Variants in THNSL1 observed in about 807,000 individuals in gnomAD.
The protein encoded by THNSL1 is threonine synthase-like 1.
THNSL1 carries 48 observed loss-of-function variants against 50.4 expected under a neutral mutation model. The observed-to-expected ratio is 0.95, with a 90% CI of 0.76 to 1.21. The LOEUF (loss-of-function observed/expected upper bound fraction) is 1.21, where lower values mean the gene tolerates loss of function less well. Among genes scored for constraint, THNSL1 ranks in the 50% most tolerant of loss-of-function variants. The pLI, the probability that THNSL1 is intolerant of heterozygous loss-of-function variation, is 0.00. For missense variants in THNSL1, 896 were observed against 871.7 expected (o/e 1.03, Z -0.35); for synonymous variants, 309 against 306.1 (o/e 1.01, Z -0.10).
At chr10:24,980,819 C>G in the THNSL1 span, among the ~76,000 whole-genome samples, 1 of 152,278 alleles carries the variant, frequency 6.6e-6, no homozygotes, top group South Asian at 2.1e-4. Context: ...CAAGTTCAAG[C>G]AATTCTCCTG....
At position 25,023,968 on chromosome 10, in the gene THNSL1, A is replaced by T; in HGVS notation, c.745A>T (p.Lys249Ter). 1 of 1,614,190 alleles carries T rather than the reference A, an allele frequency of 6.2e-7. No homozygotes were observed. The highest frequency in any genetic ancestry group is 8.5e-7 in the Non-Finnish European group (1 of 1,180,002). Residue 249 changes from lysine to a stop codon, truncating the protein, a stop_gained, in exon 3 of 3, where the codon AAA (lysine) becomes TAA (stop). Transcript: ENST00000376356. LOFTEE classifies it high-confidence loss of function. ...PEDCEQKVSA[K>*]FFSEAVIEGL... ...AGACTGTGAACAGAAGGTTTCAGCAAAATTCTTTAGTGAAGCTGTAATTGA... is the reference window on the plus strand; with the variant it reads ...AGACTGTGAACAGAAGGTTTCAGCATAATTCTTTAGTGAAGCTGTAATTGA...
the THNSL1 span, among the ~76,000 whole-genome samples, chr10:24,979,163 T>C: frequency 1.3e-5 from 2 of 152,238 alleles, no homozygotes; most frequent in Non-Finnish European, 2.9e-5. Flanking sequence ...TTCACCAGCA[T>C]TGGCTTCCTT....
At chr10:25,018,526 AGTT>A (rs1850655090) in intron 1 of THNSL1, among the ~76,000 whole-genome samples, 1 of 152,226 alleles carries the variant, frequency 6.6e-6, no homozygotes, top group South Asian at 2.1e-4. Flanking sequence ...GAATGACTGA[AGTT>A]GTGCTTCAAA....
At chr10:25,013,877 A>G (rs112325937), upstream of THNSL1, among the ~76,000 whole-genome samples, 5,519 of 152,138 alleles carry the variant, frequency 0.036, 241 homozygotes, top group African/African-American at 0.1. Flanking sequence ...AGGAGGCAGA[A>G]GCTGCAGTGA....
chr10:25,011,415 A>G, the THNSL1 span, among the ~76,000 whole-genome samples: 1 of 152,092 alleles, frequency 6.6e-6, no homozygotes, highest in Non-Finnish European at 1.5e-5. Flanking sequence ...CTCTGATGGT[A>G]GTTTCTTTTG....
the THNSL1 span, among the ~76,000 whole-genome samples, chr10:24,987,580 C>CT: frequency 6.6e-6 from 1 of 152,330 alleles, no homozygotes; most frequent in African/African-American, 2.4e-5. Context: ...CAGAGCAAGA[C>CT]TGTCTCAAAT....
chr10:24,961,298 A>T, the THNSL1 span, among the ~76,000 whole-genome samples: 12 of 152,208 alleles, frequency 7.9e-5, no homozygotes, highest in African/African-American at 2.9e-4. Flanking sequence ...CCTTATAAAC[A>T]TCATTTGAAA....
the THNSL1 span, among the ~76,000 whole-genome samples, chr10:25,009,209 A>G: frequency 6.6e-6 from 1 of 152,206 alleles, no homozygotes; most frequent in Non-Finnish European, 1.5e-5. Flanking sequence ...TACATATGTA[A>G]CAAACCTGCA....
chr10:24,970,719 T>TAA, the THNSL1 span, among the ~76,000 whole-genome samples: 5 of 123,052 alleles, frequency 4.1e-5, no homozygotes, highest in African/African-American at 1.1e-4. Context: ...TCTCTATTAA[T>TAA]AAAAAAAAAA....
the THNSL1 span, among the ~76,000 whole-genome samples, chr10:24,986,351 C>T: frequency 6.6e-6 from 1 of 152,006 alleles, no homozygotes; most frequent in African/African-American, 2.4e-5. Flanking sequence ...AATTATGAGG[C>T]CTTCTTGAGT....
chr10:24,964,591 T>G, the THNSL1 span, among the ~76,000 whole-genome samples: 3 of 152,260 alleles, frequency 2.0e-5, no homozygotes, highest in African/African-American at 7.2e-5. Context: ...ATTTGCAGTT[T>G]ATAATATTAA....
chr10:24,977,465 T>C, the THNSL1 span, among the ~76,000 whole-genome samples: 358 of 152,268 alleles, frequency 2.4e-3, no homozygotes, highest in Non-Finnish European at 4.0e-3. Context: ...CCTAATACAA[T>C]CAACAAGTGC....
At chr10:24,987,051 T>C in the THNSL1 span, among the ~76,000 whole-genome samples, 290 of 152,310 alleles carry the variant, frequency 1.9e-3, no homozygotes, top group African/African-American at 6.7e-3. Flanking sequence ...CTCCCAGCTC[T>C]TTCGCCCTCT....
the THNSL1 span, among the ~76,000 whole-genome samples, chr10:24,996,481 A>G: frequency 1.3e-5 from 2 of 150,930 alleles, no homozygotes; most frequent in Admixed American, 1.3e-4. Context: ...TGAACAGTAT[A>G]TAAATACAAG....
the THNSL1 span, among the ~76,000 whole-genome samples, chr10:24,978,434 CCT>C: frequency 2.2e-4 from 32 of 147,580 alleles, no homozygotes; most frequent in Non-Finnish European, 3.6e-4. Flanking sequence ...TCTCTCCTGT[CCT>C]CTCTCTCTCT....
chr10:24,993,841 G>T, the THNSL1 span, among the ~76,000 whole-genome samples: 1 of 152,208 alleles, frequency 6.6e-6, no homozygotes, highest in Non-Finnish European at 1.5e-5. Context: ...AGAGCAGCCA[G>T]AAGGGAGGGG....
the THNSL1 span, among the ~76,000 whole-genome samples, chr10:25,009,357 T>C: frequency 3.3e-5 from 5 of 152,162 alleles, no homozygotes; most frequent in African/African-American, 1.2e-4. Context: ...AGAGAAGCAA[T>C]GATTGCATAA....
chr10:24,967,919 G>A, the THNSL1 span, among the ~76,000 whole-genome samples: 1 of 150,666 alleles, frequency 6.6e-6, no homozygotes, highest in Non-Finnish European at 1.5e-5. Flanking sequence ...GTGTATACGT[G>A]TGTATGATGT....
chr10:25,021,553 T>C lies in THNSL1; in HGVS notation c.-215-189T>C, dbSNP rs186995375. Among the ~76,000 whole-genome samples, 319 of 152,316 alleles carry C rather than the reference T, an allele frequency of 2.1e-3. 2 individuals carry two copies. The highest frequency in any genetic ancestry group is 3.4e-3 in the Middle Eastern group (1 of 294). On this transcript the variant is annotated intron_variant, in intron 1 of 2. Coordinates refer to ENST00000376356, the MANE Select transcript of THNSL1 (RefSeq NM_024838.5). ...CTGTTTAGTGAAATTCTTTTTATAA[T>C]GAGACACACATGTTTAAAAACAGTA...
Sources: gnomAD v4.1 joint callset for allele counts (sites outside exome capture counted in the v4.1 genomes callset) on GRCh38, gnomAD v4.1.1 for gene constraint, MANE v1.5 for transcripts, NCBI Gene and HGNC (gene_info 2026-07-23, HGNC 2026-07-21) for gene names.